The following HMCN1 variants were observed in gnomAD, a reference collection of about 807,000 sequenced individuals.
HMCN1 encodes the protein hemicentin-1.
Under a neutral mutation model 625.9 loss-of-function variants are expected in HMCN1, and 321 were observed. The ratio of observed to expected loss-of-function variants is 0.51; its 90% CI spans 0.47 to 0.56. HMCN1 has a LOEUF of 0.56. Ranked by LOEUF, HMCN1 falls within the 20% of genes least tolerant of loss-of-function variation. HMCN1 has a pLI of 0.00. For synonymous variants in HMCN1, 2,425 were observed against 2,417.6 expected (o/e 1.00, Z -0.09); for missense variants, 6,588 against 6,887.3 (o/e 0.96, Z 1.54).
intron 1 of HMCN1, among the ~76,000 whole-genome samples, chr1:185,798,693 T>G (rs555408835): frequency 4.9e-4 from 75 of 152,230 alleles, no homozygotes; most frequent in African/African-American, 1.7e-3. Context: ...ATTTTGTATT[T>G]CCTTCAATGA....
At chr1:186,029,829 A>T (rs1655305869) in intron 36 of HMCN1, among the ~76,000 whole-genome samples, 1 of 150,896 alleles carries the variant, frequency 6.6e-6, no homozygotes. Flanking sequence ...TAGGTTATTG[A>T]TTTGAGATCT....
Position 185,923,585 on chromosome 1 carries a change from C to T in HMCN1, c.1217C>T (p.Thr406Ile). 6.2e-7 allele frequency: 1 copy of T among 1,608,348 alleles called. No individual in the cohort carries two copies. The highest frequency in any genetic ancestry group is 8.5e-7 in the Non-Finnish European group (1 of 1,176,174). The change falls in exon 8 of 107, where the codon ACA becomes ATA. Residue 406 changes from threonine to isoleucine, a missense_variant. Physicochemically the swap from Thr to Ile is moderately conservative, Grantham distance 89. Coordinates refer to ENST00000271588, the MANE Select transcript of HMCN1 (RefSeq NM_031935.3). The part of the protein sequence containing the change: ...PPNEAFFLKV[T>I]GYDKDDYLFQ... ...AATGAAGCTTTCTTTCTCAAAGTAA[C>T]AGGCTATGATAAAGATGATTACCTC...
intron 35 of HMCN1, among the ~76,000 whole-genome samples, chr1:186,021,949 A>G (rs1654750449): frequency 6.6e-6 from 1 of 152,114 alleles, no homozygotes; most frequent in Non-Finnish European, 1.5e-5. Flanking sequence ...TGAGAAACAT[A>G]TAGTGGCATA....
chr1:185,795,942 T>G (rs1293905343), intron 1 of HMCN1, among the ~76,000 whole-genome samples: 1 of 152,198 alleles, frequency 6.6e-6, no homozygotes, highest in Non-Finnish European at 1.5e-5. Context: ...CTATGCTACC[T>G]TATTATTTTT....
chr1:185,796,123 T>C (rs1238491328), intron 1 of HMCN1, among the ~76,000 whole-genome samples: 2 of 152,204 alleles, frequency 1.3e-5, no homozygotes, highest in Non-Finnish European at 2.9e-5. Flanking sequence ...AGTTTTTCCA[T>C]GGACAGTGAA....
In HMCN1 at chr1:186,145,480, C is replaced by T. The variant is rs759517102; in HGVS notation, c.14344C>T (p.Arg4782Cys). The change falls in exon 92 of 107, where the codon CGC becomes TGC. Residue 4782 changes from arginine to cysteine, a missense_variant. Physicochemically the swap from Arg to Cys is radical, Grantham distance 180. This residue lies in a region of HMCN1 where 1,954 missense variants were observed against 2,013.1 expected (regional missense o/e 0.97). Transcript: ENST00000271588. ...TCNGGQMRRYRTCDNPPPSNG... is the reference protein window; with the variant it reads ...TCNGGQMRRYCTCDNPPPSNG... ...TAACGGAGGGCAGATGCGGCGGTAC[C>T]GCACATGTGATAACCCTCCTCCCTC... 2 of 1,613,632 alleles carry T rather than the reference C, an allele frequency of 1.2e-6. No individual in the cohort carries two copies. Among genetic ancestry groups the T allele is most frequent in the Non-Finnish European group, 8.5e-7 (1 of 1,179,768 alleles).
Position 186,187,787 on chromosome 1 carries a change from GCCCTCC to G in HMCN1, c.16415-95_16415-90del, listed in dbSNP as rs796373724. ...GTTCATTCATGGCAGGAGAAGGCTAGCCCTCCACATTCTAGTCACACATCTACAGTG... is the reference window on the plus strand; with the variant it reads ...GTTCATTCATGGCAGGAGAAGGCTAGACATTCTAGTCACACATCTACAGTG... On this transcript the variant is annotated intron_variant, in intron 105 of 106. Coordinates refer to ENST00000271588, the MANE Select transcript of HMCN1 (RefSeq NM_031935.3). 1.4e-5 allele frequency: 21 copies of G among 1,508,164 alleles called. No individual in the cohort carries two copies. The African/African-American group carries it at 2.7e-4, about 20-fold the overall frequency. 93.4% of individuals were successfully genotyped at this position (1,508,164 alleles called of 1,614,324 possible). A position where few individuals can be genotyped will look rare whatever the true frequency, so the allele number is the denominator to read the frequency against.
intron 93 of HMCN1, among the ~76,000 whole-genome samples, chr1:186,150,920 G>A (rs1650623278): frequency 6.6e-6 from 1 of 151,508 alleles, no homozygotes; most frequent in Admixed American, 6.6e-5. Context: ...TTTAGTTTGG[G>A]GACTGGACAC....
chr1:186,015,575 TC>T, intron 31 of HMCN1, 138 bp downstream of exon 31: 1 of 886,738 alleles, frequency 1.1e-6, no homozygotes, highest in Non-Finnish European at 1.8e-6. Context: ...AAGAATTTGT[TC>T]CATGATTTGG....
Position 186,093,670 on chromosome 1 carries a change from G to A in HMCN1, c.10196+1G>A. ...TACTGGCAGCAGGACAAGTTATCAG[G>A]TCAGCTTTTATTGTGTCTGATTTCC... On this transcript the variant is annotated splice_donor_variant, in intron 66 of 106. Coordinates refer to ENST00000271588, the MANE Select transcript of HMCN1 (RefSeq NM_031935.3). LOFTEE classifies it high-confidence loss of function. 2.5e-6 allele frequency: 4 copies of A among 1,613,154 alleles called. No individual in the cohort carries two copies. Among genetic ancestry groups the A allele is most frequent in the Non-Finnish European group, 3.4e-6 (4 of 1,179,444 alleles).
rs750809004 is a variant in HMCN1 at position 186,155,809 on chromosome 1, C to G, written c.15256+1822C>G. On this transcript the variant is annotated intron_variant, in intron 97 of 106. Coordinates refer to ENST00000271588, the MANE Select transcript of HMCN1 (RefSeq NM_031935.3). ...TACTTGCAATTTGTTTTTGAGCAACCATTAGGGGGCAAGCTTGCATTCCTG... is the reference window on the plus strand; with the variant it reads ...TACTTGCAATTTGTTTTTGAGCAACGATTAGGGGGCAAGCTTGCATTCCTG... Among the ~76,000 whole-genome samples, 3 of 152,082 alleles carry G rather than the reference C, an allele frequency of 2.0e-5. No individual in the cohort carries two copies. In the South Asian group the frequency reaches 6.2e-4, roughly 31 times the overall value.
intron 1 of HMCN1, among the ~76,000 whole-genome samples, chr1:185,750,863 A>C (rs1177386840): frequency 5.3e-5 from 8 of 151,152 alleles, no homozygotes; most frequent in Non-Finnish European, 8.9e-5. Flanking sequence ...TTGGCTTAGA[A>C]ATTACACATT....
intron 105 of HMCN1, among the ~76,000 whole-genome samples, chr1:186,186,989 CTG>C (rs1410821200): frequency 1.5e-5 from 2 of 133,586 alleles, no homozygotes; most frequent in African/African-American, 6.1e-5. Flanking sequence ...TTCTCTGTCT[CTG>C]TCTCACACAC....
intron 4 of HMCN1, among the ~76,000 whole-genome samples, chr1:185,867,641 C>A (rs1276217225): frequency 6.6e-6 from 1 of 151,950 alleles, no homozygotes; most frequent in African/African-American, 2.4e-5. Context: ...GCTGAATATG[C>A]CATGGCTAGT....
chr1:185,805,911 G>T (rs116394774), intron 1 of HMCN1, among the ~76,000 whole-genome samples: 1 of 152,064 alleles, frequency 6.6e-6, no homozygotes, highest in African/African-American at 2.4e-5. Context: ...CATGGTTAGG[G>T]CATGGTTCAT....
intron 11 of HMCN1, among the ~76,000 whole-genome samples, chr1:185,954,542 A>T (rs1430173140): frequency 6.6e-6 from 1 of 152,134 alleles, no homozygotes; most frequent in Non-Finnish European, 1.5e-5. Flanking sequence ...GCCTTTTTAA[A>T]CAACAATCAA....
chr1:186,146,021 TG>T, intron 93 of HMCN1, 98 bp downstream of exon 93: 1 of 1,200,524 alleles, frequency 8.3e-7, no homozygotes, highest in African/African-American at 1.7e-5. Context: ...CCCTGAGAGG[TG>T]GAATTAGAAA....
intron 4 of HMCN1, among the ~76,000 whole-genome samples, chr1:185,867,149 A>G (rs2057381): frequency 0.24 from 35,885 of 152,146 alleles, 4,645 homozygotes; most frequent in Non-Finnish European, 0.29. Context: ...ATTGAAATAG[A>G]TAGATTTATA....
rs774217646 is a variant in HMCN1, at chr1:186,144,238, C to T, written c.13990C>T (p.Gln4664Ter). The change falls in exon 90 of 107, where the codon CAG (glutamine) becomes TAG (stop). Residue 4664 changes from glutamine (Q) to a stop codon, truncating the protein, a stop_gained. Transcript: ENST00000271588. LOFTEE classifies it high-confidence loss of function. ...CAGCGAAAGTTGTGGGAAAGGTACTCAGACAAGAGCAAGACTTTGTAATAA... is the reference window on the plus strand; with the variant it reads ...CAGCGAAAGTTGTGGGAAAGGTACTTAGACAAGAGCAAGACTTTGTAATAA... ...TCSESCGKGTQTRARLCNNPP... is the reference protein window; with the variant it reads ...TCSESCGKGT 6.2e-7 allele frequency: 1 copy of T among 1,613,294 alleles called. No individual in the cohort carries two copies. The highest frequency in any genetic ancestry group is 1.1e-5 in the South Asian group (1 of 90,886).
Sources: allele counts gnomAD v4.1 joint callset (sites outside exome capture counted in the v4.1 genomes callset), GRCh38; gene constraint gnomAD v4.1.1; regional missense constraint gnomAD v4.1.1; transcripts MANE v1.5; gene names NCBI Gene and HGNC (gene_info 2026-07-23, HGNC 2026-07-21).